Variants in GRID1 observed in about 807,000 individuals in gnomAD.
The protein encoded by GRID1 is glutamate receptor ionotropic, delta-1.
A neutral mutation model predicts 98.0 loss-of-function variants in GRID1; 28 were observed. That is an observed-to-expected ratio of 0.29 (90% CI 0.21 to 0.39). The LOEUF (loss-of-function observed/expected upper bound fraction) is 0.39, where lower values mean the gene tolerates loss of function less well. Among genes scored for constraint, GRID1 ranks in the 10% least tolerant of loss-of-function variants. The pLI is 1.00. For synonymous variants in GRID1, 553 were observed against 538.5 expected, an observed-to-expected ratio of 1.03 and a Z score of -0.37; for missense variants, 1,111 against 1,340.5, an observed-to-expected ratio of 0.83 and a Z score of 2.67.
At chr10:86,056,801 T>C (rs1170558741) in intron 4 of GRID1, among the ~76,000 whole-genome samples, 2 of 152,204 alleles carry the variant, frequency 1.3e-5, no homozygotes, top group African/African-American at 4.8e-5. Flanking sequence ...CCCATACATA[T>C]GGCAGCCTGG....
intron 8 of GRID1, among the ~76,000 whole-genome samples, chr10:85,783,627 T>TA (rs1475330739): frequency 1.3e-5 from 2 of 152,198 alleles, no homozygotes; most frequent in Non-Finnish European, 2.9e-5. Context: ...AGGATCTTGC[T>TA]AAAAACACTT....
intron 4 of GRID1, among the ~76,000 whole-genome samples, chr10:85,931,970 C>T (rs779178900): frequency 1.3e-5 from 2 of 152,162 alleles, no homozygotes; most frequent in East Asian, 1.9e-4. Flanking sequence ...GCACTCCAGC[C>T]GCTGGCATCC....
At chr10:85,989,325 A>T (rs1842650187) in intron 4 of GRID1, among the ~76,000 whole-genome samples, 1 of 152,240 alleles carries the variant, frequency 6.6e-6, no homozygotes, top group Non-Finnish European at 1.5e-5. Context: ...ATGTCAAAGC[A>T]TCCTAAAATC....
intron 2 of GRID1, among the ~76,000 whole-genome samples, chr10:86,356,964 T>C (rs945069235): frequency 5.3e-5 from 8 of 152,136 alleles, no homozygotes; most frequent in Admixed American, 2.0e-4. Flanking sequence ...GCTACAAGAA[T>C]TGGGAAAGAG....
At chr10:85,952,357 C>T (rs1032274028) in intron 4 of GRID1, among the ~76,000 whole-genome samples, 3 of 152,202 alleles carry the variant, frequency 2.0e-5, no homozygotes, top group Non-Finnish European at 4.4e-5. Flanking sequence ...GTTTGTTTTG[C>T]TTTTAAGATC....
chr10:85,736,239 G>A (rs1841882599), intron 8 of GRID1, among the ~76,000 whole-genome samples: 1 of 146,130 alleles, frequency 6.8e-6, no homozygotes, highest in Non-Finnish European at 1.5e-5. Flanking sequence ...AGAGAAGGAG[G>A]GAAGGAAGGA....
chr10:85,883,532 C>G (rs377112738), intron 5 of GRID1, among the ~76,000 whole-genome samples: 23 of 127,114 alleles, frequency 1.8e-4, no homozygotes, highest in African/African-American at 3.1e-4. Flanking sequence ...CTCTCTCTGT[C>G]TCTCTCTCTC....
At chr10:85,766,453 T>G (rs1032077402) in intron 8 of GRID1, among the ~76,000 whole-genome samples, 1 of 152,170 alleles carries the variant, frequency 6.6e-6, no homozygotes, top group South Asian at 2.1e-4. Context: ...CCCACTGCAC[T>G]CCACTCTGGG....
chr10:85,817,192 G>C (rs766690863), intron 8 of GRID1, among the ~76,000 whole-genome samples: 1 of 152,190 alleles, frequency 6.6e-6, no homozygotes, highest in Non-Finnish European at 1.5e-5. Context: ...ATGGTAGAAT[G>C]ATTTATATTC....
At chr10:86,307,925 G>A (rs1045560192) in intron 2 of GRID1, among the ~76,000 whole-genome samples, 2 of 151,734 alleles carry the variant, frequency 1.3e-5, no homozygotes, top group Admixed American at 1.3e-4. Context: ...TGAGATCTAC[G>A]CTCTGAACAA....
chr10:85,822,172 C>A (rs1455208769), intron 8 of GRID1, among the ~76,000 whole-genome samples: 6 of 151,846 alleles, frequency 4.0e-5, no homozygotes, highest in East Asian at 1.9e-4. Flanking sequence ...GCAACAAAAG[C>A]CAAAATTGAC....
intron 5 of GRID1, among the ~76,000 whole-genome samples, chr10:85,880,467 C>T (rs1174897730): frequency 3.9e-5 from 6 of 152,184 alleles, no homozygotes; most frequent in Non-Finnish European, 4.4e-5. Flanking sequence ...GCTGGTTCAA[C>T]ATATGCAAAT....
chr10:85,850,926 A>G (rs61218942), intron 8 of GRID1, among the ~76,000 whole-genome samples: 1 of 152,176 alleles, frequency 6.6e-6, no homozygotes, highest in African/African-American at 2.4e-5. Context: ...CGTACAATGC[A>G]CTTTTGGATA....
chr10:86,176,526 C>T (rs887542013), intron 3 of GRID1, among the ~76,000 whole-genome samples: 7 of 152,156 alleles, frequency 4.6e-5, no homozygotes, highest in East Asian at 3.9e-4. Flanking sequence ...TCAGCACTGC[C>T]GGAGACCAAA....
intron 5 of GRID1, among the ~76,000 whole-genome samples, chr10:85,879,794 A>T (rs1382613447): frequency 2.0e-5 from 3 of 152,200 alleles, no homozygotes; most frequent in Non-Finnish European, 4.4e-5. Context: ...AAGGAAATAG[A>T]GACACAAAAA....
chr10:85,772,719 C>G (rs1374234183), intron 8 of GRID1, among the ~76,000 whole-genome samples: 1 of 152,168 alleles, frequency 6.6e-6, no homozygotes, highest in Admixed American at 6.5e-5. Flanking sequence ...ACTAGAAAAT[C>G]TAGAAGAAAT....
intron 12 of GRID1, among the ~76,000 whole-genome samples, chr10:85,690,472 C>A (rs1226726815): frequency 1.3e-5 from 2 of 152,068 alleles, no homozygotes; most frequent in Admixed American, 1.3e-4. Flanking sequence ...TATTCATGTG[C>A]CACATTTTCC....
At chr10:85,895,196 C>T (rs1841273478) in intron 5 of GRID1, among the ~76,000 whole-genome samples, 2 of 151,560 alleles carry the variant, frequency 1.3e-5, no homozygotes, top group Non-Finnish European at 2.9e-5. Flanking sequence ...TTTGAAACTC[C>T]TGAGCCTGAA....
At chr10:85,939,559 C>T (rs577573400) in intron 4 of GRID1, among the ~76,000 whole-genome samples, 5 of 152,224 alleles carry the variant, frequency 3.3e-5, no homozygotes, top group Admixed American at 1.3e-4. Flanking sequence ...AGCAGCAACA[C>T]GTCTTTCTGG....
Sources: gnomAD v4.1 joint callset for allele counts (sites outside exome capture counted in the v4.1 genomes callset) on GRCh38, gnomAD v4.1.1 for gene constraint, MANE v1.5 for transcripts, NCBI Gene and HGNC (gene_info 2026-07-23, HGNC 2026-07-21) for gene names.